NLGN3: variants seen among roughly 807,000 people sequenced by gnomAD.
The protein encoded by NLGN3 is neuroligin 3, also known as neuroligin-3.
In NLGN3, 11 loss-of-function variants were observed where a neutral mutation model predicts 42.9. The ratio of observed to expected loss-of-function variants is 0.26; its 90% CI spans 0.16 to 0.42. The LOEUF (loss-of-function observed/expected upper bound fraction) is 0.42, where lower values mean the gene tolerates loss of function less well. NLGN3 is among the 10% of genes least tolerant of loss of function. The pLI is 1.00. For missense variants in NLGN3, 374 were observed against 733.8 expected (o/e 0.51, Z 5.67); for synonymous variants, 279 against 312.7 (o/e 0.89, Z 1.14).
At chrX:71,172,627 C>CATGTGTGTGTGTGT (rs376125375), downstream of NLGN3, among the ~76,000 whole-genome samples, 5 of 100,498 alleles carry the variant, frequency 5.0e-5, no homozygotes, top group African/African-American at 1.5e-4. Context: ...TGTGTGCATG[C>CATGTGTGTGTGTGT]GTGTGTGTGT....
chrX:71,155,653 T>C (rs1450340424), intron 5 of NLGN3, among the ~76,000 whole-genome samples: 26 of 111,468 alleles, frequency 2.3e-4, no homozygotes, highest in Admixed American at 2.3e-3. Flanking sequence ...CTGAGTTTTG[T>C]AGGATGCTTC....
downstream of NLGN3, among the ~76,000 whole-genome samples, chrX:71,172,233 CCTTT>C (rs1224853879): frequency 9.0e-6 from 1 of 111,378 alleles, no homozygotes; most frequent in Non-Finnish European, 1.9e-5. Context: ...ACCCTTCTTT[CCTTT>C]CTTTTTTCCA....
At chrX:71,146,196 C>G (rs1439515653) in intron 1 of NLGN3, among the ~76,000 whole-genome samples, 2 of 98,059 alleles carry the variant, frequency 2.0e-5, no homozygotes, top group Admixed American at 1.1e-4. Flanking sequence ...CACACACACA[C>G]ACACACACAC....
chrX:71,169,124 G>T (rs191825478), intron 7 of NLGN3, 130 bp from the exon 8 acceptor site: 43 of 744,355 alleles, frequency 5.8e-5, no homozygotes, highest in Middle Eastern at 3.8e-4. Context: ...CAGAGCAGGG[G>T]ACCCTGAAAA....
At chrX:71,146,819 C>A in intron 1 of NLGN3, among the ~76,000 whole-genome samples, 1 of 111,512 alleles carries the variant, frequency 9.0e-6, no homozygotes, top group Non-Finnish European at 1.9e-5. Context: ...TTATAATACA[C>A]CGGAAGAGCA....
Position 71,169,812 on chromosome X carries a change from G to T in NLGN3, c.2262G>T (p.Glu754Asp). Residue 754 changes from glutamate to aspartate, a missense_variant, in exon 8 of 8, where the codon GAG (glutamate) becomes GAT (aspartate). Physicochemically the swap from Glu to Asp is conservative, Grantham distance 45 (BLOSUM62 2). Transcript: ENST00000358741. ...CTCAGCGGGGAGCCGGGGCCCCGGA[G>T]TTGGGAGCTGCTCCAGAGGAGGAGC... Reference protein sequence around the residue: ...PSPQRGAGAPELGAAPEEELA... With the variant: ...PSPQRGAGAPDLGAAPEEELA... The T allele has an allele frequency of 1.7e-6, 2 of 1,206,866 alleles. No individual in the cohort carries two copies. The highest frequency in any genetic ancestry group is 2.2e-6 in the Non-Finnish European group (2 of 892,899).
At chrX:71,157,827 C>CTTCA (rs1290341705) in intron 5 of NLGN3, among the ~76,000 whole-genome samples, 1 of 110,092 alleles carries the variant, frequency 9.1e-6, no homozygotes, top group African/African-American at 3.3e-5. Flanking sequence ...TCGGTGTCCC[C>CTTCA]TTCATTGGCG....
At chrX:71,163,045 C>T (rs1747299425) in intron 5 of NLGN3, among the ~76,000 whole-genome samples, 1 of 110,916 alleles carries the variant, frequency 9.0e-6, no homozygotes, top group African/African-American at 3.3e-5. Flanking sequence ...GCCGCAGGCT[C>T]AGTCTAAAAT....
intron 3 of NLGN3, among the ~76,000 whole-genome samples, chrX:71,151,859 C>T (rs1394472513): frequency 8.9e-6 from 1 of 112,002 alleles, no homozygotes; most frequent in African/African-American, 3.2e-5. Flanking sequence ...GTTTGGTAGG[C>T]TGTCCGCAGT....
Position 71,147,614 on chromosome X carries a change from A to G in NLGN3, c.-136A>G, listed in dbSNP as rs892973977. 20 of 542,591 alleles carry G rather than the reference A, an allele frequency of 3.7e-5. No homozygotes were observed. Among genetic ancestry groups the G allele is most frequent in the Non-Finnish European group, 5.3e-5 (17 of 317,804 alleles). The allele number at this position is 542,591 out of a possible 1,213,427, so 44.7% of individuals were successfully genotyped here. A position where few individuals can be genotyped will look rare whatever the true frequency, so the allele number is the denominator to read the frequency against. On this transcript the variant is annotated 5_prime_UTR_variant, in exon 2 of 8. Coordinates refer to ENST00000358741, the MANE Select transcript of NLGN3 (RefSeq NM_181303.2). ...GGTGCTTGGACGACCTGCTCTCTAC[A>G]TTGCTGGGCACCTGTAGGTGTCCCT...
chrX:71,159,193 C>T (rs2092420644), intron 5 of NLGN3, among the ~76,000 whole-genome samples: 1 of 110,301 alleles, frequency 9.1e-6, no homozygotes, highest in Non-Finnish European at 1.9e-5. Flanking sequence ...TGGTGGCATG[C>T]GCCCGTAGTC....
chrX:71,169,610 G>A lies in NLGN3; in HGVS notation c.2060G>A (p.Trp687Ter). ...AGCAACGAGAATGCCCAGGGGTCCT[G>A]GAACGGGGACCAGGATGCAGGGCCA... is the stretch of plus-strand genomic sequence containing the variant. The part of the protein sequence containing the change: ...AYSNENAQGS[W>*]NGDQDAGPLL... The change falls in exon 8 of 8, where the codon TGG becomes TAG. Residue 687 changes from tryptophan (W) to a stop codon, truncating the protein, a stop_gained. Coordinates refer to ENST00000358741, the MANE Select transcript of NLGN3 (RefSeq NM_181303.2). LOFTEE classifies it high-confidence loss of function. 8.3e-7 allele frequency: 1 copy of A among 1,212,101 alleles called. No homozygotes were observed.
chrX:71,146,465 T>C, intron 1 of NLGN3, among the ~76,000 whole-genome samples: 1 of 111,256 alleles, frequency 9.0e-6, no homozygotes, highest in Non-Finnish European at 1.9e-5. Context: ...GGCCTATGTG[T>C]CTGAGTGTGT....
At chrX:71,160,992 G>A (rs1224012231) in intron 5 of NLGN3, among the ~76,000 whole-genome samples, 1 of 112,035 alleles carries the variant, frequency 8.9e-6, no homozygotes, top group Non-Finnish European at 1.9e-5. Flanking sequence ...TGAGTTACTG[G>A]GGAACTAGCA....
At chrX:71,156,140 A>G (rs2092408088) in intron 5 of NLGN3, among the ~76,000 whole-genome samples, 1 of 109,348 alleles carries the variant, frequency 9.1e-6, no homozygotes, top group East Asian at 2.9e-4. Flanking sequence ...CCACACAAAA[A>G]CCTACACCCT....
intron 6 of NLGN3, among the ~76,000 whole-genome samples, chrX:71,165,556 T>G (rs4844287): frequency 9.3e-6 from 1 of 107,798 alleles, no homozygotes; most frequent in African/African-American, 3.4e-5. Context: ...CTCGCTCTGT[T>G]CCCCAGGCTC....
rs190690544 is a variant in NLGN3 at position 71,163,977 on chromosome X, G to A, written c.728-166G>A. 8.0e-5 allele frequency among the ~76,000 whole-genome samples: 9 copies of A among 112,932 alleles called. No homozygotes were observed. In the East Asian group the frequency reaches 2.2e-3, roughly 28 times the overall value. On this transcript the variant is annotated intron_variant, in intron 5 of 7. Transcript: ENST00000358741. ...AGCTGACCCCTCCTCTGTTGACGAT[G>A]CTGGACATTGCAGAAAGGAGCACTG...
chrX:71,148,136 C>T lies in NLGN3; in HGVS notation c.387C>T (p.Ile129=), dbSNP rs1423933788. 3 of 1,210,856 alleles carry T rather than the reference C, an allele frequency of 2.5e-6. No homozygotes were observed. Among genetic ancestry groups the T allele is most frequent in the South Asian group, 1.8e-5 (1 of 56,938 alleles). The part of the protein sequence containing the change: ...LPVWFTANLD[I]VATYIQEPNE... ...TCTGGTTCACTGCCAACTTGGATAT[C>T]GTCGCTACTTACATCCAGGAGCCCA... The change falls in exon 2 of 8, where the codon ATC becomes ATT. Residue 129 remains isoleucine (I), a synonymous_variant. Transcript: ENST00000358741.
At chrX:71,155,160 G>T (rs1472531794) in intron 4 of NLGN3, 54 bp from the exon 5 acceptor site, 3 of 1,200,188 alleles carry the variant, frequency 2.5e-6, no homozygotes, top group Non-Finnish European at 3.4e-6. Flanking sequence ...GCTGGCAGGG[G>T]TGGGGGAGCA....
Sources: gnomAD v4.1 joint callset for allele counts (sites outside exome capture counted in the v4.1 genomes callset) on GRCh38, gnomAD v4.1.1 for gene constraint, MANE v1.5 for transcripts, NCBI Gene and HGNC (gene_info 2026-07-23, HGNC 2026-07-21) for gene names.